The following EFCAB6 variants were observed in gnomAD, a reference collection of about 807,000 sequenced individuals.
EFCAB6 encodes EF-hand calcium binding domain 6.
A neutral mutation model predicts 169.8 loss-of-function variants in EFCAB6; 156 were observed. The observed-to-expected ratio is 0.92, with a 90% CI of 0.81 to 1.05. The LOEUF (loss-of-function observed/expected upper bound fraction) is 1.05. Among genes scored for constraint, EFCAB6 ranks in the 50% least tolerant of loss-of-function variants. The pLI is 0.00. For missense variants in EFCAB6, 1,800 were observed against 1,829.1 expected (o/e 0.98, Z 0.29); for synonymous variants, 698 against 676.4 (o/e 1.03, Z -0.50).
At chr22:43,578,459 C>T (rs1001120673) in intron 25 of EFCAB6, among the ~76,000 whole-genome samples, 10 of 152,132 alleles carry the variant, frequency 6.6e-5, no homozygotes, top group African/African-American at 2.2e-4. Context: ...AGGATGATTC[C>T]GACGCTGCCT....
intron 17 of EFCAB6, among the ~76,000 whole-genome samples, chr22:43,637,043 C>G (rs2055457205): frequency 6.6e-6 from 1 of 152,154 alleles, no homozygotes; most frequent in African/African-American, 2.4e-5. Context: ...TGCCATGGAG[C>G]CCTGGTGTCT....
rs2047471409 is a variant in EFCAB6, at chr22:43,537,846, T to TGA, written c.3880-303_3880-302dup. Among the ~76,000 whole-genome samples, 1 of 152,234 alleles carries TGA rather than the reference T, an allele frequency of 6.6e-6. No individual in the cohort carries two copies. Among genetic ancestry groups the TGA allele is most frequent in the East Asian group, 1.9e-4 (1 of 5,182 alleles). On this transcript the variant is annotated intron_variant, in intron 28 of 31. Coordinates refer to ENST00000262726, the MANE Select transcript of EFCAB6 (RefSeq NM_022785.4). The surrounding 1 kb of genome is among the most constrained non-coding windows in gnomAD (Gnocchi z 4.3). ...TATTTCTGCTGTGTGTGTGTGTGTG[T>TGA]GAGAAGTGACAACGACAAATTTTTT...
intron 22 of EFCAB6, among the ~76,000 whole-genome samples, chr22:43,603,069 T>G (rs576326595): frequency 6.6e-6 from 1 of 152,162 alleles, no homozygotes; most frequent in African/African-American, 2.4e-5. Context: ...CTAAGAAAAG[T>G]GAAGGGAGTG....
intron 13 of EFCAB6, among the ~76,000 whole-genome samples, chr22:43,673,334 T>A (rs2057576520): frequency 6.6e-6 from 1 of 152,196 alleles, no homozygotes. Flanking sequence ...TTTGACCCAA[T>A]AATTCCATTT....
intron 4 of EFCAB6, among the ~76,000 whole-genome samples, chr22:43,771,168 CCCCTGTAAT>C (rs2061457144): frequency 6.6e-6 from 1 of 152,110 alleles, no homozygotes; most frequent in South Asian, 2.1e-4. Context: ...CGGTGGCTCA[CCCCTGTAAT>C]CCCGGCACTT....
chr22:43,589,570 C>A (rs2051325872), intron 24 of EFCAB6, among the ~76,000 whole-genome samples: 1 of 152,022 alleles, frequency 6.6e-6, no homozygotes, highest in Non-Finnish European at 1.5e-5. Flanking sequence ...GGCGGATCAC[C>A]TGAGGTCAGG....
At chr22:43,775,108 G>A (rs867542799) in intron 3 of EFCAB6, among the ~76,000 whole-genome samples, 26 of 151,970 alleles carry the variant, frequency 1.7e-4, no homozygotes, top group Admixed American at 1.3e-4. Flanking sequence ...AAGGTCAAGC[G>A]GGGAGGTCTA....
chr22:43,698,404 C>T (rs1344587260), intron 10 of EFCAB6, among the ~76,000 whole-genome samples: 1 of 152,188 alleles, frequency 6.6e-6, no homozygotes, highest in Admixed American at 6.5e-5. Flanking sequence ...TGCTTCTGCC[C>T]ATTACTGTCA....
intron 2 of EFCAB6, among the ~76,000 whole-genome samples, chr22:43,790,252 C>T (rs908692793): frequency 2.6e-5 from 4 of 152,224 alleles, no homozygotes; most frequent in Non-Finnish European, 4.4e-5. Context: ...ATCCCACACA[C>T]ATCCTTCTTG....
chr22:43,717,088 A>G, intron 8 of EFCAB6, 116 bp from the exon 9 acceptor site: 1 of 1,280,138 alleles, frequency 7.8e-7, no homozygotes, highest in Non-Finnish European at 1.0e-6. Flanking sequence ...ATAAACCAAG[A>G]AAATGATGAA....
chr22:43,776,644 T>A (rs977371706), intron 3 of EFCAB6, among the ~76,000 whole-genome samples: 1 of 151,742 alleles, frequency 6.6e-6, no homozygotes, highest in Non-Finnish European at 1.5e-5. Context: ...TAGCAACCAG[T>A]GAAGAACCCC....
At chr22:43,708,437 C>G (rs186578824) in intron 10 of EFCAB6, among the ~76,000 whole-genome samples, 1 of 150,324 alleles carries the variant, frequency 6.7e-6, no homozygotes, top group African/African-American at 2.4e-5. Flanking sequence ...ACAAGAAAGA[C>G]GAGGAATAAA....
intron 10 of EFCAB6, among the ~76,000 whole-genome samples, chr22:43,691,815 T>C (rs967671041): frequency 1.5e-4 from 23 of 152,064 alleles, no homozygotes; most frequent in African/African-American, 5.6e-4. Context: ...CACGATAAAA[T>C]CTGGACATAA....
chr22:43,584,223 A>G (rs2050910397), intron 24 of EFCAB6, among the ~76,000 whole-genome samples: 1 of 152,084 alleles, frequency 6.6e-6, no homozygotes, highest in South Asian at 2.1e-4. Context: ...GGAGGAGGAG[A>G]AGAAGTGAGG....
chr22:43,753,072 A>C (rs190121441), intron 6 of EFCAB6, among the ~76,000 whole-genome samples: 2 of 152,238 alleles, frequency 1.3e-5, no homozygotes, highest in Admixed American at 6.5e-5. Flanking sequence ...TCCACTTTAG[A>C]GATGAGGAAA....
Position 43,537,040 on chromosome 22 carries a change from C to A in EFCAB6, c.4048+337G>T, listed in dbSNP as rs765583456. The A allele has an allele frequency of 6.8e-5, 14 of 205,898 alleles. No homozygotes were observed. The highest frequency in any genetic ancestry group is 9.7e-5 in the Non-Finnish European group (10 of 103,308). The allele number at this position is 205,898 out of a possible 1,614,324, so 12.8% of individuals were successfully genotyped here. ...CCCAGGAGTGTCCCCTTCATCCCGC[C>A]CTCCTCCACCTTTTCCATTTCCTTC... On this transcript the variant is annotated intron_variant, in intron 29 of 31. Coordinates refer to ENST00000262726, the MANE Select transcript of EFCAB6 (RefSeq NM_022785.4). This position sits in a 1 kb window ranked among gnomAD's most constrained non-coding sequence, Gnocchi z 4.3.
intron 25 of EFCAB6, among the ~76,000 whole-genome samples, chr22:43,578,786 G>A (rs1310326365): frequency 1.2e-5 from 1 of 86,416 alleles, no homozygotes; most frequent in Middle Eastern, 6.8e-3. Context: ...TACCCTACAC[G>A]CAGGCATCAT....
intron 10 of EFCAB6, among the ~76,000 whole-genome samples, chr22:43,696,334 T>C (rs1030532601): frequency 6.6e-6 from 1 of 152,140 alleles, no homozygotes; most frequent in Non-Finnish European, 1.5e-5. Context: ...TCTGGAATTG[T>C]TACATACTGC....
intron 5 of EFCAB6, among the ~76,000 whole-genome samples, chr22:43,765,033 T>C (rs553882132): frequency 2.6e-5 from 4 of 152,358 alleles, no homozygotes; most frequent in African/African-American, 4.8e-5. Context: ...ATATATTGCA[T>C]GTAAACTATT....
Sources: allele counts gnomAD v4.1 joint callset (sites outside exome capture counted in the v4.1 genomes callset), GRCh38; gene constraint gnomAD v4.1.1; non-coding constraint Gnocchi (gnomAD v3.1); transcripts MANE v1.5; gene names NCBI Gene and HGNC (gene_info 2026-07-23, HGNC 2026-07-21).